ABCC4: variants seen among roughly 807,000 people sequenced by gnomAD.
The protein encoded by ABCC4 is ATP binding cassette subfamily C member 4 (PEL blood group).
Under a neutral mutation model 168.5 loss-of-function variants are expected in ABCC4, and 102 were observed. The observed-to-expected ratio is 0.61, with a 90% CI of 0.52 to 0.71. The LOEUF (loss-of-function observed/expected upper bound fraction) is 0.71. Ranked by LOEUF, ABCC4 falls within the 30% of genes least tolerant of loss-of-function variation. The pLI is 0.00. For synonymous variants in ABCC4, 617 were observed against 590.7 expected, an observed-to-expected ratio of 1.04 and a Z score of -0.65; for missense variants, 1,402 against 1,605.8, an observed-to-expected ratio of 0.87 and a Z score of 2.17.
chr13:95,114,029 T>C (rs1056032878), intron 20 of ABCC4, among the ~76,000 whole-genome samples: 18 of 152,226 alleles, frequency 1.2e-4, no homozygotes, highest in African/African-American at 3.9e-4. Context: ...AATTGATAAC[T>C]AAGTTATCCT....
chr13:95,206,464 C>T, intron 8 of ABCC4, 68 bp downstream of exon 8: 2 of 1,573,226 alleles, frequency 1.3e-6, no homozygotes, highest in Admixed American at 1.7e-5. Flanking sequence ...CATAGTGATG[C>T]TAAATAAAAG....
At chr13:95,038,181 T>G (rs973715410) in intron 29 of ABCC4, among the ~76,000 whole-genome samples, 5 of 151,946 alleles carry the variant, frequency 3.3e-5, no homozygotes, top group Non-Finnish European at 4.4e-5. Flanking sequence ...CATTAAAGTT[T>G]CAGGATTAAT....
intron 11 of ABCC4, among the ~76,000 whole-genome samples, chr13:95,179,391 A>G (rs1471378564): frequency 1.3e-5 from 2 of 152,246 alleles, no homozygotes; most frequent in Non-Finnish European, 2.9e-5. Context: ...GACTGGTTGC[A>G]CTAAGTAGAC....
rs1394530639 is a variant in ABCC4, at chr13:95,291,009, A to AAAAAAAAAAAAAAAAAAG, written c.74+10231_74+10232insCTTTTTTTTTTTTTTTTT. Among the ~76,000 whole-genome samples the AAAAAAAAAAAAAAAAAAG allele has an allele frequency of 5.7e-5, 7 of 123,464 alleles. 1 individual carries two copies. The highest frequency in any genetic ancestry group is 1.0e-4 in the Non-Finnish European group (6 of 57,846). 81.0% of individuals were successfully genotyped at this position (123,464 alleles called of 152,430 possible). A position where few individuals can be genotyped will look rare whatever the true frequency, so the allele number is the denominator to read the frequency against. ...CAAGACCCTGTCTCAAAAAAAAAAA[A>AAAAAAAAAAAAAAAAAAG]AGAGGAAACCATGCCAAATGACTTT... is the stretch of plus-strand genomic sequence containing the variant. On this transcript the variant is annotated intron_variant, in intron 1 of 30. Transcript: ENST00000645237.
chr13:95,292,889 A>G (rs1042571729), intron 1 of ABCC4, among the ~76,000 whole-genome samples: 5 of 152,184 alleles, frequency 3.3e-5, no homozygotes, highest in African/African-American at 1.2e-4. Context: ...AAAGGGCTGT[A>G]AGTACTCATG....
intron 13 of ABCC4, among the ~76,000 whole-genome samples, chr13:95,174,173 T>C (rs1401486602): frequency 1.3e-5 from 2 of 152,232 alleles, no homozygotes; most frequent in African/African-American, 4.8e-5. Flanking sequence ...ATTAGCATCC[T>C]TTAATCTAAG....
At chr13:95,283,702 G>A (rs1042567792) in intron 1 of ABCC4, among the ~76,000 whole-genome samples, 11 of 152,132 alleles carry the variant, frequency 7.2e-5, no homozygotes, top group East Asian at 1.9e-4. Flanking sequence ...TGGATCACCC[G>A]AGGTCAGGAG....
At chr13:95,281,318 A>C (rs2041120698) in intron 1 of ABCC4, among the ~76,000 whole-genome samples, 1 of 151,520 alleles carries the variant, frequency 6.6e-6, no homozygotes, top group African/African-American at 2.4e-5. Flanking sequence ...AAAAAAAAAA[A>C]AAAAAAGAGA....
rs772087380 is a variant in ABCC4 at position 95,207,886 on chromosome 13, G to A, written c.825C>T (p.Thr275=). 3.6e-5 allele frequency: 58 copies of A among 1,613,596 alleles called. No individual in the cohort carries two copies. Among genetic ancestry groups the A allele is most frequent in the Non-Finnish European group, 4.8e-5 (57 of 1,179,936 alleles). The change falls in exon 7 of 31, where the codon ACC becomes ACT. Residue 275 remains threonine, a synonymous_variant. Coordinates refer to ENST00000645237, the MANE Select transcript of ABCC4 (RefSeq NM_005845.5). ...TTATACCAGTTATAACTTCATTCAT[G>A]GTCCTGATCCTGGCATCCGTGAAAG... The part of the protein sequence containing the change: ...TATFTDARIR[T]MNEVITGIRI...
At chr13:95,197,380 G>A (rs765745858) in intron 8 of ABCC4, among the ~76,000 whole-genome samples, 1 of 152,174 alleles carries the variant, frequency 6.6e-6, no homozygotes, top group Non-Finnish European at 1.5e-5. Context: ...GTATGTGCAG[G>A]TCAGAACAGA....
intron 4 of ABCC4, among the ~76,000 whole-genome samples, chr13:95,226,424 AC>A (rs1308755892): frequency 1.3e-5 from 2 of 152,244 alleles, no homozygotes; most frequent in African/African-American, 4.8e-5. Context: ...ATATAGATCA[AC>A]AAAACAGAAT....
intron 4 of ABCC4, among the ~76,000 whole-genome samples, chr13:95,222,192 A>G (rs2039327996): frequency 6.7e-6 from 1 of 149,140 alleles, no homozygotes; most frequent in South Asian, 2.1e-4. Flanking sequence ...GTACACTTGG[A>G]GCTCCCAGCT....
At chr13:95,207,526 T>C (rs2038817243) in intron 7 of ABCC4, among the ~76,000 whole-genome samples, 1 of 152,252 alleles carries the variant, frequency 6.6e-6, no homozygotes, top group Admixed American at 6.5e-5. Flanking sequence ...TTAGACTCAT[T>C]GTTGGGATTT....
At chr13:95,267,222 G>A (rs1240893528) in intron 1 of ABCC4, among the ~76,000 whole-genome samples, 6 of 152,020 alleles carry the variant, frequency 3.9e-5, no homozygotes, top group Non-Finnish European at 5.9e-5. Context: ...CAGTTCCCCC[G>A]TGTTGTGAGA....
chr13:95,185,917 T>C lies in ABCC4; in HGVS notation c.1545+784A>G, dbSNP rs928575504. Among the ~76,000 whole-genome samples the C allele has an allele frequency of 1.1e-4, 17 of 152,164 alleles. No individual in the cohort carries two copies. In the East Asian group the frequency reaches 3.3e-3, roughly 29 times the overall value. On this transcript the variant is annotated intron_variant, in intron 11 of 30. Transcript: ENST00000645237. ...GTTTCCTTTAAATAATAAATTGCAC[T>C]GTAAATTTATCCATGTAACCAAAAA...
intron 11 of ABCC4, among the ~76,000 whole-genome samples, chr13:95,181,914 T>C (rs1238546796): frequency 6.6e-6 from 1 of 152,160 alleles, no homozygotes; most frequent in Non-Finnish European, 1.5e-5. Context: ...TATCAGTTCA[T>C]TTAGTCACCC....
intron 20 of ABCC4, among the ~76,000 whole-genome samples, chr13:95,089,562 C>T (rs1461528180): frequency 6.6e-6 from 1 of 152,166 alleles, no homozygotes; most frequent in African/African-American, 2.4e-5. Context: ...GATCACGCCA[C>T]TGCACTCCAG....
intron 15 of ABCC4, 127 bp downstream of exon 15, chr13:95,166,031 A>T: frequency 1.1e-6 from 1 of 877,388 alleles, no homozygotes. Context: ...ATCATGGAAT[A>T]GAGCCCTGAA....
intron 8 of ABCC4, among the ~76,000 whole-genome samples, chr13:95,202,467 C>T (rs1489004531): frequency 6.6e-6 from 1 of 152,106 alleles, no homozygotes; most frequent in Non-Finnish European, 1.5e-5. Context: ...GTCCAATCCC[C>T]TTATTTAAAG....
Sources: allele counts gnomAD v4.1 joint callset (sites outside exome capture counted in the v4.1 genomes callset), GRCh38; gene constraint gnomAD v4.1.1; transcripts MANE v1.5; gene names NCBI Gene and HGNC (gene_info 2026-07-23, HGNC 2026-07-21).